The following SENP7 variants were observed in gnomAD, a reference collection of about 807,000 sequenced individuals.
SENP7 encodes sentrin-specific protease 7.
A neutral mutation model predicts 141.2 loss-of-function variants in SENP7; 64 were observed. That is an observed-to-expected ratio of 0.45 (90% confidence interval 0.37 to 0.56). SENP7 has a LOEUF of 0.56. Ranked by LOEUF, SENP7 falls within the 20% of genes least tolerant of loss-of-function variation. The pLI is 0.00. For synonymous variants in SENP7, 382 were observed against 426.4 expected (o/e 0.90, Z 1.28); for missense variants, 1,025 against 1,212.2 (o/e 0.85, Z 2.29).
At chr3:101,489,991 C>G (rs1280374382) in intron 3 of SENP7, among the ~76,000 whole-genome samples, 1 of 152,114 alleles carries the variant, frequency 6.6e-6, no homozygotes, top group Non-Finnish European at 1.5e-5. Flanking sequence ...TCAAGACCAG[C>G]CTGACCAACA....
intron 4 of SENP7, among the ~76,000 whole-genome samples, chr3:101,451,471 C>A (rs1420173899): frequency 6.6e-6 from 1 of 152,136 alleles, no homozygotes; most frequent in African/African-American, 2.4e-5. Flanking sequence ...CTCAATAGAA[C>A]ACTGGCAAAC....
chr3:101,370,496 T>C (rs752117792), intron 7 of SENP7, among the ~76,000 whole-genome samples: 2 of 152,208 alleles, frequency 1.3e-5, no homozygotes, highest in Non-Finnish European at 2.9e-5. Context: ...ATAACCTATA[T>C]ACATTCTCCT....
chr3:101,341,772 T>A lies in SENP7; in HGVS notation c.2114A>T (p.Asn705Ile). 1 of 1,594,770 alleles carries A rather than the reference T, an allele frequency of 6.3e-7. No individual in the cohort carries two copies. Among genetic ancestry groups the A allele is most frequent in the Admixed American group, 1.7e-5 (1 of 59,666 alleles). The change falls in exon 15 of 24, where the codon AAC (asparagine) becomes ATC (isoleucine). Residue 705 changes from asparagine to isoleucine, a missense_variant. Physicochemically the swap from Asn to Ile is moderately radical, Grantham distance 149. Coordinates refer to ENST00000394095, the MANE Select transcript of SENP7 (RefSeq NM_020654.5). ...MKLKSVSQPS[N>I]TDAAKPTYTF... Reference sequence around the variant, plus strand: ...GTAAGTAGGCTTGGCCGCATCTGTGTTTGAGGGCTGACAGAAAGTGGCAAG... The same window carrying A: ...GTAAGTAGGCTTGGCCGCATCTGTGATTGAGGGCTGACAGAAAGTGGCAAG...
chr3:101,341,363 T>C (rs566941325), intron 15 of SENP7, among the ~76,000 whole-genome samples: 7 of 152,346 alleles, frequency 4.6e-5, no homozygotes, highest in Admixed American at 4.6e-4. Flanking sequence ...TTTAAAATCA[T>C]ACATTGCTAC....
chr3:101,398,254 T>C (rs556325068), intron 6 of SENP7, among the ~76,000 whole-genome samples: 136 of 152,258 alleles, frequency 8.9e-4, no homozygotes, highest in African/African-American at 3.1e-3. Flanking sequence ...GGTCAGGAGA[T>C]CGAGACCATC....
intron 1 of SENP7, among the ~76,000 whole-genome samples, chr3:101,506,862 A>C (rs2065636986): frequency 6.6e-6 from 1 of 152,194 alleles, no homozygotes. Context: ...AGAACAGCCC[A>C]GGTAACACAG....
Position 101,325,890 on chromosome 3 carries a change from A to C in SENP7, c.*53T>G. On this transcript the variant is annotated 3_prime_UTR_variant, in exon 24 of 24. Coordinates refer to ENST00000394095, the MANE Select transcript of SENP7 (RefSeq NM_020654.5). ...GAGCTGGCTAACACAAATGCTGGTA[A>C]GAGGCTTTCCAGTAATCTTAGAGAA... 6.6e-7 allele frequency: 1 copy of C among 1,505,598 alleles called. No individual in the cohort carries two copies. Among genetic ancestry groups the C allele is most frequent in the Non-Finnish European group, 8.9e-7 (1 of 1,125,366 alleles). 93.3% of individuals were successfully genotyped at this position (1,505,598 alleles called of 1,614,324 possible). A position where few individuals can be genotyped will look rare whatever the true frequency, so the allele number is the denominator to read the frequency against.
chr3:101,423,399 T>A (rs1012026181), intron 4 of SENP7, among the ~76,000 whole-genome samples: 1 of 152,138 alleles, frequency 6.6e-6, no homozygotes, highest in Non-Finnish European at 1.5e-5. Flanking sequence ...AAGATGACCA[T>A]GTAAGTGTTG....
chr3:101,495,276 A>G (rs1166012648), intron 2 of SENP7, among the ~76,000 whole-genome samples: 1 of 152,228 alleles, frequency 6.6e-6, no homozygotes, highest in Non-Finnish European at 1.5e-5. Context: ...TAGCAGAGAA[A>G]AAGGAACACT....
intron 4 of SENP7, among the ~76,000 whole-genome samples, chr3:101,421,750 C>G (rs1327546476): frequency 6.6e-6 from 1 of 152,024 alleles, no homozygotes; most frequent in Admixed American, 6.6e-5. Flanking sequence ...CTTTTTCCCC[C>G]CAAACTAGTA....
intron 4 of SENP7, among the ~76,000 whole-genome samples, chr3:101,441,233 C>T (rs1300040825): frequency 2.0e-5 from 3 of 152,200 alleles, no homozygotes; most frequent in Non-Finnish European, 4.4e-5. Context: ...GCCAGGCCCA[C>T]TCATTGCTGC....
chr3:101,416,382 C>T (rs879209659), intron 5 of SENP7, among the ~76,000 whole-genome samples: 15 of 152,230 alleles, frequency 9.9e-5, no homozygotes, highest in Admixed American at 5.9e-4. Context: ...TAGGATGAGG[C>T]GATTGATGAG....
chr3:101,474,129 C>T (rs2064121132), intron 3 of SENP7, among the ~76,000 whole-genome samples: 1 of 152,018 alleles, frequency 6.6e-6, no homozygotes, highest in Non-Finnish European at 1.5e-5. Flanking sequence ...TAGCATGATG[C>T]CTCCAGCTTT....
At chr3:101,425,262 G>A (rs1385501246) in intron 4 of SENP7, among the ~76,000 whole-genome samples, 1 of 152,168 alleles carries the variant, frequency 6.6e-6, no homozygotes, top group African/African-American at 2.4e-5. Context: ...ACCCATTGGA[G>A]AGTAGTGACC....
rs570363771 is a variant in SENP7 at position 101,451,493 on chromosome 3, G to A, written c.284+7462C>T. On this transcript the variant is annotated intron_variant, in intron 4 of 23. Coordinates refer to ENST00000394095, the MANE Select transcript of SENP7 (RefSeq NM_020654.5). ...GAACACTGGCAAACCGAATCCAGCA[G>A]CACATCAAGAAGCTTATCCACCATG... Among the ~76,000 whole-genome samples the A allele has an allele frequency of 7.9e-5, 12 of 152,290 alleles. No homozygotes were observed. In the East Asian group the frequency reaches 1.5e-3, roughly 20 times the overall value.
chr3:101,414,949 T>C (rs2061568094), intron 5 of SENP7, among the ~76,000 whole-genome samples: 1 of 152,094 alleles, frequency 6.6e-6, no homozygotes, highest in Admixed American at 6.6e-5. Flanking sequence ...CACACCAGAC[T>C]CTTCTTACTA....
At chr3:101,453,361 A>G (rs2063222421) in intron 4 of SENP7, among the ~76,000 whole-genome samples, 1 of 152,210 alleles carries the variant, frequency 6.6e-6, no homozygotes, top group Non-Finnish European at 1.5e-5. Context: ...CCATCCCACT[A>G]CTGGGTATAT....
chr3:101,327,534 C>T (rs2058935582), intron 23 of SENP7, 132 bp downstream of exon 23: 3 of 608,380 alleles, frequency 4.9e-6, no homozygotes, highest in African/African-American at 3.9e-5. Context: ...TCAATTAAAC[C>T]TCTTTCCTTT....
intron 11 of SENP7, among the ~76,000 whole-genome samples, chr3:101,355,533 T>C (rs1465772311): frequency 2.0e-5 from 3 of 152,160 alleles, no homozygotes; most frequent in African/African-American, 4.8e-5. Flanking sequence ...GTGTGCAGCT[T>C]TATTTCCAGG....
Sources: gnomAD v4.1 joint callset for allele counts (sites outside exome capture counted in the v4.1 genomes callset) on GRCh38, gnomAD v4.1.1 for gene constraint, MANE v1.5 for transcripts, NCBI Gene and HGNC (gene_info 2026-07-23, HGNC 2026-07-21) for gene names.